Variants in NUMB observed in about 807,000 individuals in gnomAD.
NUMB encodes the protein protein numb homolog.
Under a neutral mutation model 59.7 loss-of-function variants are expected in NUMB, and 29 were observed. That is an observed-to-expected ratio of 0.49 (90% confidence interval 0.36 to 0.66). The LOEUF (loss-of-function observed/expected upper bound fraction) is 0.66, where lower values mean the gene tolerates loss of function less well. Ranked by LOEUF, NUMB falls within the 30% of genes least tolerant of loss-of-function variation. The probability of loss-of-function intolerance (pLI) is 0.00; values close to 1 mark genes in which losing one functional copy is unlikely to be tolerated. For synonymous variants in NUMB, 288 were observed against 288.2 expected, an observed-to-expected ratio of 1.00 and a Z score of 0.01; for missense variants, 723 against 822.0, an observed-to-expected ratio of 0.88 and a Z score of 1.47.
intron 2 of NUMB, among the ~76,000 whole-genome samples, chr14:73,394,736 G>C (rs1021015852): frequency 3.9e-5 from 6 of 151,924 alleles, no homozygotes; most frequent in African/African-American, 1.5e-4. Flanking sequence ...GACTGTTTCT[G>C]AATTTGACTT....
At chr14:73,347,947 T>C (rs180903584) in intron 4 of NUMB, among the ~76,000 whole-genome samples, 1 of 152,330 alleles carries the variant, frequency 6.6e-6, no homozygotes, top group African/African-American at 2.4e-5. Flanking sequence ...GTAACCCCCA[T>C]ATCAAAACTC....
At chr14:73,441,510 T>C (rs892108634) in intron 1 of NUMB, among the ~76,000 whole-genome samples, 7 of 152,048 alleles carry the variant, frequency 4.6e-5, no homozygotes, top group Non-Finnish European at 8.8e-5. Flanking sequence ...CACTCCAGCC[T>C]GGGCAACAGA....
At chr14:73,288,681 G>GAA (rs1184634252) in intron 8 of NUMB, among the ~76,000 whole-genome samples, 1 of 152,066 alleles carries the variant, frequency 6.6e-6, no homozygotes, top group Admixed American at 6.6e-5. Context: ...CCAACATGGA[G>GAA]AAACCCTGTC....
chr14:73,452,895 A>T (rs570860822), intron 1 of NUMB, among the ~76,000 whole-genome samples: 35 of 152,336 alleles, frequency 2.3e-4, no homozygotes, highest in Non-Finnish European at 4.4e-4. Flanking sequence ...CAAGCAGCAG[A>T]AACTGCAGAG....
chr14:73,279,413 C>T lies in NUMB; in HGVS notation c.1108G>A (p.Asp370Asn). 6.3e-7 allele frequency: 1 copy of T among 1,588,108 alleles called. No homozygotes were observed. Among genetic ancestry groups the T allele is most frequent in the East Asian group, 2.2e-5 (1 of 44,576 alleles). ...QSPTFQANGT[D>N]SAFHVLAKPA... is the part of the protein sequence containing the mutation. ...TTAGCAAGCACATGGAAGGCTGAGT[C>T]AGTGCCATTAGCTACAACGGGAGCA... The change falls in exon 12 of 13, where the codon GAC (aspartate) becomes AAC (asparagine). Residue 370 changes from aspartate to asparagine, a missense_variant. Around this residue, in one of 2 missense-constraint regions of NUMB, gnomAD observed 406 missense variants for 385.4 expected, o/e 1.05. Transcript: ENST00000555238.
At chr14:73,377,996 C>CATATAGATATATATATACACAT (rs1895042673) in intron 2 of NUMB, among the ~76,000 whole-genome samples, 1 of 58,212 alleles carries the variant, frequency 1.7e-5, no homozygotes, top group African/African-American at 1.4e-4. Flanking sequence ...TATACACATA[C>CATATAGATATATATATACACAT]ACACACACAC....
At chr14:73,457,484 A>G (rs564963814) in intron 1 of NUMB, 1 of 152,204 alleles carries the variant, frequency 6.6e-6, no homozygotes, top group Admixed American at 6.5e-5. Context: ...AGTTCCACGA[A>G]ACCATTACTC....
At chr14:73,395,034 TG>T in intron 2 of NUMB, among the ~76,000 whole-genome samples, 1 of 105,786 alleles carries the variant, frequency 9.5e-6, no homozygotes, top group African/African-American at 5.6e-5. Flanking sequence ...AGTATTCGTG[TG>T]TTTGTGTGTG....
Position 73,357,093 on chromosome 14 carries a change from A to G in NUMB, c.-15-1327T>C, listed in dbSNP as rs889983829. On this transcript the variant is annotated intron_variant, in intron 3 of 12. Transcript: ENST00000555238. Reference sequence around the variant, plus strand: ...AAAAAATGACAAAGGTACAAGTTTCATTATCAACTCTGTAACTAAAAAGTG... The same window carrying G: ...AAAAAATGACAAAGGTACAAGTTTCGTTATCAACTCTGTAACTAAAAAGTG... 9.4e-6 allele frequency: 7 copies of G among 745,472 alleles called. No individual in the cohort carries two copies. In the East Asian group the frequency reaches 9.0e-4, roughly 96 times the overall value. 46.2% of individuals were successfully genotyped at this position (745,472 alleles called of 1,614,324 possible).
At chr14:73,319,501 A>G (rs1891279339) in intron 5 of NUMB, among the ~76,000 whole-genome samples, 1 of 152,168 alleles carries the variant, frequency 6.6e-6, no homozygotes, top group South Asian at 2.1e-4. Flanking sequence ...AATCCTCTGC[A>G]GGCTTATGCA....
chr14:73,327,009 G>T (rs1891695503), intron 4 of NUMB, among the ~76,000 whole-genome samples: 1 of 151,802 alleles, frequency 6.6e-6, no homozygotes, highest in Non-Finnish European at 1.5e-5. Context: ...CACAATTCAA[G>T]AAAACTTTTC....
At chr14:73,424,591 G>A (rs1363813052) in intron 1 of NUMB, among the ~76,000 whole-genome samples, 2 of 152,094 alleles carry the variant, frequency 1.3e-5, no homozygotes, top group African/African-American at 4.8e-5. Context: ...GCATACTCAG[G>A]GCTTGATGTA....
At chr14:73,355,588 T>C in intron 4 of NUMB, 38 bp downstream of exon 4, 1 of 1,575,826 alleles carries the variant, frequency 6.3e-7, no homozygotes, top group Non-Finnish European at 8.6e-7. Flanking sequence ...TTGTCAGTTC[T>C]TTTCCACATA....
intron 2 of NUMB, among the ~76,000 whole-genome samples, chr14:73,367,521 C>G (rs1036101085): frequency 6.6e-6 from 1 of 151,692 alleles, no homozygotes; most frequent in Non-Finnish European, 1.5e-5. Flanking sequence ...TGCCTGTAAT[C>G]CCAGCACTTC....
At chr14:73,278,765 T>C (rs1888386710) in intron 12 of NUMB, among the ~76,000 whole-genome samples, 1 of 144,592 alleles carries the variant, frequency 6.9e-6, no homozygotes, top group Non-Finnish European at 1.5e-5. Context: ...TATTGCTCTG[T>C]TGCCCAGGCT....
chr14:73,358,602 CTTTTTTTTTT>C (rs35552161), intron 3 of NUMB, among the ~76,000 whole-genome samples: 1 of 118,938 alleles, frequency 8.4e-6, no homozygotes, highest in Non-Finnish European at 1.8e-5. Flanking sequence ...GAAAGCTAGA[CTTTTTTTTTT>C]TTTTTTTTTT....
rs1230785169 is a variant in NUMB at position 73,395,037 on chromosome 14, T to TTATGTGTGTGTGTGTGTGTG, written c.-101+14899_-101+14900insCACACACACACACACACATA. On this transcript the variant is annotated intron_variant, in intron 2 of 12. Transcript: ENST00000555238. The stretch of plus-strand genomic sequence containing the variant: ...TTAAGGTTGAATAGTATTCGTGTGT[T>TTATGTGTGTGTGTGTGTGTG]TGTGTGTGTGTGTGTGTGTGTGTGT... Among the ~76,000 whole-genome samples, 81 of 120,002 alleles carry TTATGTGTGTGTGTGTGTGTG rather than the reference T, an allele frequency of 6.7e-4. 3 individuals carry two copies. The highest frequency in any genetic ancestry group is 3.7e-3 in the East Asian group (14 of 3,814). 78.7% of individuals were successfully genotyped at this position (120,002 alleles called of 152,430 possible). A position where few individuals can be genotyped will look rare whatever the true frequency, so the allele number is the denominator to read the frequency against.
intron 2 of NUMB, among the ~76,000 whole-genome samples, chr14:73,377,447 C>T (rs1387284023): frequency 6.6e-6 from 1 of 152,008 alleles, no homozygotes; most frequent in East Asian, 1.9e-4. Flanking sequence ...TCGAGACCAG[C>T]CTGGCCAACA....
chr14:73,395,037 T>TGTGTGTGTG (rs1896053515), intron 2 of NUMB, among the ~76,000 whole-genome samples: 28 of 119,924 alleles, frequency 2.3e-4, no homozygotes, highest in Non-Finnish European at 2.7e-4. Flanking sequence ...ATTCGTGTGT[T>TGTGTGTGTG]TGTGTGTGTG....
Sources: allele counts gnomAD v4.1 joint callset (sites outside exome capture counted in the v4.1 genomes callset), GRCh38; gene constraint gnomAD v4.1.1; regional missense constraint gnomAD v4.1.1; transcripts MANE v1.5; gene names NCBI Gene and HGNC (gene_info 2026-07-23, HGNC 2026-07-21).